Variants in CHRM3 observed in about 807,000 individuals in gnomAD.
CHRM3 encodes muscarinic acetylcholine receptor M3.
In CHRM3, 11 loss-of-function variants were observed where a neutral mutation model predicts 41.8. The observed-to-expected ratio is 0.26, with a 90% confidence interval of 0.17 to 0.44. CHRM3 has a LOEUF of 0.44. Among genes scored for constraint, CHRM3 ranks in the 20% least tolerant of loss-of-function variants. The pLI is 1.00. For synonymous variants in CHRM3, 297 were observed against 301.4 expected (o/e 0.99, Z 0.15); for missense variants, 571 against 745.4 (o/e 0.77, Z 2.72).
At chr1:239,494,515 T>A (rs185224486) in intron 2 of CHRM3, among the ~76,000 whole-genome samples, 8 of 151,414 alleles carry the variant, frequency 5.3e-5, no homozygotes, top group East Asian at 1.9e-4. Context: ...TAGTTCAGAC[T>A]TTTTTTTTAC....
In CHRM3 at chr1:239,850,816, C is replaced by T. The variant is rs57835351; in HGVS notation, c.-20+23438C>T. 9.1e-3 allele frequency among the ~76,000 whole-genome samples: 1,380 copies of T among 152,136 alleles called. 21 individuals are homozygous for T. Among genetic ancestry groups the T allele is most frequent in the African/African-American group, 0.032 (1,313 of 41,510 alleles). Reference sequence around the variant, plus strand: ...TGAAGAAGGACGTGTTTTCTTCTTCCGCCATGACTGTAAGTTTCCTGAGGC... The same window carrying T: ...TGAAGAAGGACGTGTTTTCTTCTTCTGCCATGACTGTAAGTTTCCTGAGGC... On this transcript the variant is annotated intron_variant, in intron 6 of 6. Transcript: ENST00000676153.
At chr1:239,760,228 AC>A (rs1234865850) in intron 5 of CHRM3, among the ~76,000 whole-genome samples, 1 of 151,576 alleles carries the variant, frequency 6.6e-6, no homozygotes, top group African/African-American at 2.4e-5. Flanking sequence ...CCCGGCCAAT[AC>A]TTTTCTTTAA....
chr1:239,550,424 T>C (rs1049943005), intron 3 of CHRM3, among the ~76,000 whole-genome samples: 10 of 152,222 alleles, frequency 6.6e-5, no homozygotes, highest in Non-Finnish European at 1.3e-4. Context: ...TTGTTCATTC[T>C]TGTTTTTCCT....
At chr1:239,447,843 G>A (rs986089525) in intron 1 of CHRM3, among the ~76,000 whole-genome samples, 23 of 152,122 alleles carry the variant, frequency 1.5e-4, no homozygotes, top group African/African-American at 5.6e-4. Flanking sequence ...CATTGAAGTT[G>A]ACATTATAAA....
intron 3 of CHRM3, among the ~76,000 whole-genome samples, chr1:239,564,985 C>G (rs952152596): frequency 6.6e-6 from 1 of 152,132 alleles, no homozygotes. Flanking sequence ...AGGGGAGAAT[C>G]CTTTCCTTGC....
chr1:239,593,014 C>T (rs183699412), intron 3 of CHRM3, among the ~76,000 whole-genome samples: 94 of 152,246 alleles, frequency 6.2e-4, no homozygotes, highest in African/African-American at 2.2e-3. Flanking sequence ...ATCCTTTACA[C>T]CTTCCTCAAC....
At chr1:239,751,298 T>C (rs1237353447) in intron 5 of CHRM3, among the ~76,000 whole-genome samples, 1 of 151,742 alleles carries the variant, frequency 6.6e-6, no homozygotes, top group Non-Finnish European at 1.5e-5. Context: ...TATGAAGATA[T>C]ATGAAATAAC....
intron 3 of CHRM3, among the ~76,000 whole-genome samples, chr1:239,621,955 A>T (rs1466738000): frequency 6.6e-6 from 1 of 152,132 alleles, no homozygotes; most frequent in African/African-American, 2.4e-5. Flanking sequence ...GGACAGGCTG[A>T]CTTCCTTATT....
chr1:239,533,222 G>A (rs1007999704), intron 2 of CHRM3, among the ~76,000 whole-genome samples: 10 of 152,122 alleles, frequency 6.6e-5, no homozygotes, highest in African/African-American at 1.7e-4. Flanking sequence ...TGCCAGCAAT[G>A]AAGCTAATCT....
chr1:239,640,142 T>C (rs1301358864), intron 4 of CHRM3, among the ~76,000 whole-genome samples: 1 of 151,320 alleles, frequency 6.6e-6, no homozygotes, highest in Non-Finnish European at 1.5e-5. Context: ...ATAAGCTTTT[T>C]GATGTGCTGC....
At chr1:239,665,394 G>C (rs1013655164) in intron 4 of CHRM3, among the ~76,000 whole-genome samples, 4 of 151,910 alleles carry the variant, frequency 2.6e-5, no homozygotes, top group African/African-American at 9.7e-5. Context: ...TAATTACCTT[G>C]AACCATTGGT....
intron 2 of CHRM3, among the ~76,000 whole-genome samples, chr1:239,498,468 T>C (rs1210879090): frequency 1.3e-5 from 2 of 152,306 alleles, no homozygotes; most frequent in East Asian, 3.9e-4. Context: ...TTCTGGATAA[T>C]GAATCCTACA....
At chr1:239,861,859 A>G (rs1675670917) in intron 6 of CHRM3, among the ~76,000 whole-genome samples, 1 of 152,236 alleles carries the variant, frequency 6.6e-6, no homozygotes, top group Non-Finnish European at 1.5e-5. Flanking sequence ...AAGAAAACTG[A>G]CTAAATACCA....
At chr1:239,827,827 A>G (rs1368340413) in intron 6 of CHRM3, among the ~76,000 whole-genome samples, 1 of 152,220 alleles carries the variant, frequency 6.6e-6, no homozygotes, top group Non-Finnish European at 1.5e-5. Context: ...TCGAGGCAGT[A>G]AGTCACATTG....
At chr1:239,679,351 G>A (rs542992084) in intron 5 of CHRM3, among the ~76,000 whole-genome samples, 1 of 152,186 alleles carries the variant, frequency 6.6e-6, no homozygotes, top group Non-Finnish European at 1.5e-5. Context: ...GGGAAATTGG[G>A]AAGTAGCACA....
chr1:239,556,487 G>A, intron 3 of CHRM3, among the ~76,000 whole-genome samples: 1 of 152,054 alleles, frequency 6.6e-6, no homozygotes, highest in East Asian at 1.9e-4. Flanking sequence ...TACTTCACAT[G>A]GAAAGCAAAT....
intron 3 of CHRM3, among the ~76,000 whole-genome samples, chr1:239,589,565 AT>A (rs1382574873): frequency 6.8e-6 from 1 of 146,562 alleles, no homozygotes; most frequent in Non-Finnish European, 1.5e-5. Flanking sequence ...AATATGTGAA[AT>A]TTTTTCATGA....
At chr1:239,414,983 A>G (rs1661383887) in intron 1 of CHRM3, among the ~76,000 whole-genome samples, 1 of 152,222 alleles carries the variant, frequency 6.6e-6, no homozygotes, top group African/African-American at 2.4e-5. Context: ...ATAATGTTTA[A>G]TAGCTGAATA....
At chr1:239,453,856 A>C (rs1259141395) in intron 1 of CHRM3, among the ~76,000 whole-genome samples, 1 of 152,164 alleles carries the variant, frequency 6.6e-6, no homozygotes, top group Non-Finnish European at 1.5e-5. Context: ...GAAGGCCTCA[A>C]AACCACAACA....
Sources: gnomAD v4.1 joint callset for allele counts (sites outside exome capture counted in the v4.1 genomes callset) on GRCh38, gnomAD v4.1.1 for gene constraint, MANE v1.5 for transcripts, NCBI Gene and HGNC (gene_info 2026-07-23, HGNC 2026-07-21) for gene names.